FMO2: variants seen among roughly 807,000 people sequenced by gnomAD.
FMO2 encodes the protein flavin-containing monooxygenase 2.
Under a neutral mutation model 41.6 loss-of-function variants are expected in FMO2, and 33 were observed. That is an observed-to-expected ratio of 0.79 (90% CI 0.60 to 1.06). The LOEUF (loss-of-function observed/expected upper bound fraction) is 1.06, where lower values mean the gene tolerates loss of function less well. Ranked by LOEUF, FMO2 falls within the 50% of genes least tolerant of loss-of-function variation. The pLI is 0.00. For missense variants in FMO2, 619 were observed against 632.9 expected (o/e 0.98, Z 0.23); for synonymous variants, 214 against 219.6 (o/e 0.97, Z 0.23).
At position 171,204,331 on chromosome 1, in the gene FMO2, A is replaced by C. The variant is rs150773647; in HGVS notation, c.827+267A>C. Among the ~76,000 whole-genome samples, 284 of 152,304 alleles carry C rather than the reference A, an allele frequency of 1.9e-3. 5 individuals carry two copies. The highest frequency in any genetic ancestry group is 4.8e-3 in the South Asian group (23 of 4,828). ...TTTCTAATACCCAGAGTTATCTAAC[A>C]TTGGAGAAAACTGTTTCAAGAGATT... On this transcript the variant is annotated intron_variant, in intron 6 of 8. Transcript: ENST00000209929.
At position 171,209,164 on chromosome 1, in the gene FMO2, C is replaced by A; in HGVS notation, c.*19C>A. The A allele has an allele frequency of 2.3e-6, 1 of 431,650 alleles. No individual in the cohort carries two copies. The allele number at this position is 431,650 out of a possible 1,614,324, so 26.7% of individuals were successfully genotyped here. Reference sequence around the variant, plus strand: ...GTCCTAGTCAGCATAATGCTTTGGGCTTTATTATCTTGTCAGTCACTACCT... The same window carrying A: ...GTCCTAGTCAGCATAATGCTTTGGGATTTATTATCTTGTCAGTCACTACCT... On this transcript the variant is annotated 3_prime_UTR_variant, in exon 9 of 9. Coordinates refer to ENST00000209929, the MANE Select transcript of FMO2 (RefSeq NM_001460.5).
rs555830426 is a variant in FMO2, at chr1:171,211,377, T to G, written c.*2232T>G. The G allele has an allele frequency of 3.3e-5, 5 of 152,348 alleles. No homozygotes were observed. The South Asian group carries it at 6.2e-4, about 19-fold the overall frequency. The allele number at this position is 152,348 out of a possible 1,614,324, so 9.4% of individuals were successfully genotyped here. A position where few individuals can be genotyped will look rare whatever the true frequency, so the allele number is the denominator to read the frequency against. On this transcript the variant is annotated 3_prime_UTR_variant, in exon 9 of 9. Coordinates refer to ENST00000209929, the MANE Select transcript of FMO2 (RefSeq NM_001460.5). Reference sequence around the variant, plus strand: ...CAGAAAAAGTTTGATAATTCCTGCTTTATAATATGTAAGGCATTGTCCCAT... The same window carrying G: ...CAGAAAAAGTTTGATAATTCCTGCTGTATAATATGTAAGGCATTGTCCCAT...
rs1658877609 is a variant in FMO2 at position 171,209,082 on chromosome 1, G to A, written c.1545G>A (p.Leu515=). The change falls in exon 9 of 9, where the codon CTG becomes CTA. Residue 515 remains leucine, a synonymous_variant. Coordinates refer to ENST00000209929, the MANE Select transcript of FMO2 (RefSeq NM_001460.5). The part of the protein sequence containing the change: ...KDSSNFSVSF[L]LKILGLLAVV... The stretch of plus-strand genomic sequence containing the variant: ...CATCTAATTTCTCAGTTTCTTTTCT[G>A]TTGAAAATCCTGGGCCTTCTTGCTG... 4.9e-6 allele frequency: 5 copies of A among 1,021,614 alleles called. No individual in the cohort carries two copies. The highest frequency in any genetic ancestry group is 1.6e-5 in the African/African-American group (1 of 61,442). The allele number at this position is 1,021,614 out of a possible 1,614,324, so 63.3% of individuals were successfully genotyped here. A position where few individuals can be genotyped will look rare whatever the true frequency, so the allele number is the denominator to read the frequency against.
intron 3 of FMO2, among the ~76,000 whole-genome samples, chr1:171,196,337 T>G (rs1658311300): frequency 6.6e-6 from 1 of 152,222 alleles, no homozygotes; most frequent in Non-Finnish European, 1.5e-5. Flanking sequence ...ATTATGATGG[T>G]CTTTGTGTAA....
At chr1:171,187,418 C>G (rs1657895206) in intron 2 of FMO2, among the ~76,000 whole-genome samples, 1 of 152,066 alleles carries the variant, frequency 6.6e-6, no homozygotes, top group Non-Finnish European at 1.5e-5. Flanking sequence ...TTTGTCAGTT[C>G]AAATTGAATC....
chr1:171,204,097 C>T lies in FMO2; in HGVS notation c.827+33C>T, dbSNP rs770193418. On this transcript the variant is annotated intron_variant, in intron 6 of 8. Transcript: ENST00000209929. ...TATTTTGCTTTTTTAATGGTATACT[C>T]GTTGGTGAGCAAAGTTGTCTGAAGG... 4.7e-5 allele frequency: 71 copies of T among 1,525,288 alleles called. 2 individuals carry two copies. The highest frequency in any genetic ancestry group is 9.1e-6 in the Non-Finnish European group (10 of 1,100,152). The allele number at this position is 1,525,288 out of a possible 1,614,324, so 94.5% of individuals were successfully genotyped here. A position where few individuals can be genotyped will look rare whatever the true frequency, so the allele number is the denominator to read the frequency against.
chr1:171,199,211 T>C lies in FMO2; in HGVS notation c.485-135T>C, dbSNP rs966627267. 5 of 792,230 alleles carry C rather than the reference T, an allele frequency of 6.3e-6. No individual in the cohort carries two copies. In the Admixed American group the frequency reaches 1.1e-4, roughly 18 times the overall value. The allele number at this position is 792,230 out of a possible 1,614,324, so 49.1% of individuals were successfully genotyped here. A position where few individuals can be genotyped will look rare whatever the true frequency, so the allele number is the denominator to read the frequency against. ...GGTCTGGTACCTAAACTTTCTTATGTGCTTTACTCCTATAGAGAAGAGGCA... is the reference window on the plus strand; with the variant it reads ...GGTCTGGTACCTAAACTTTCTTATGCGCTTTACTCCTATAGAGAAGAGGCA... On this transcript the variant is annotated intron_variant, in intron 4 of 8. Transcript: ENST00000209929.
At chr1:171,188,622 C>T (rs1657951178) in intron 2 of FMO2, among the ~76,000 whole-genome samples, 2 of 152,168 alleles carry the variant, frequency 1.3e-5, no homozygotes, top group African/African-American at 4.8e-5. Context: ...AAGAAGGATG[C>T]TGGGAGCCCC....
At chr1:171,197,142 C>T (rs28369861) in intron 4 of FMO2, among the ~76,000 whole-genome samples, 3 of 152,080 alleles carry the variant, frequency 2.0e-5, no homozygotes, top group Non-Finnish European at 4.4e-5. Flanking sequence ...TGCCAAACAC[C>T]GAGCCTTTTT....
At chr1:171,193,655 C>T (rs78655958) in intron 3 of FMO2, 132 bp downstream of exon 3, 12,211 of 652,578 alleles carry the variant, frequency 0.019, 145 homozygotes, top group Middle Eastern at 0.029. Context: ...ATATAACAGC[C>T]TCATATAAAA....
chr1:171,207,459 C>T, intron 7 of FMO2: 2 of 353,920 alleles, frequency 5.7e-6, no homozygotes, highest in East Asian at 9.3e-5. Context: ...GTCATGGCTG[C>T]CAGGCTCCCA....
intron 5 of FMO2, among the ~76,000 whole-genome samples, chr1:171,202,101 T>C (rs1658564101): frequency 6.6e-6 from 1 of 152,128 alleles, no homozygotes; most frequent in African/African-American, 2.4e-5. Flanking sequence ...TAAATCCTCA[T>C]GTTTCTCTCA....
In FMO2 at chr1:171,205,386, T is replaced by C. The variant is rs749437139; in HGVS notation, c.935T>C (p.Ile312Thr). ...AAAGAGCTCACAGAAACTTCTGCCA[T>C]CTTTGAGGATGGAACAGTGGAGGAG... ...TVKELTETSA[I>T]FEDGTVEENI... is the part of the protein sequence containing the mutation. The change falls in exon 7 of 9, where the codon ATC becomes ACC. Residue 312 changes from isoleucine (I) to threonine (T), a missense_variant. Physicochemically the swap from Ile to Thr is moderately conservative, Grantham distance 89. Transcript: ENST00000209929. 1.9e-6 allele frequency: 3 copies of C among 1,613,874 alleles called. No homozygotes were observed. The highest frequency in any genetic ancestry group is 2.2e-5 in the South Asian group (2 of 91,080).
Position 171,208,787 on chromosome 1 carries a change from C to T in FMO2, c.1257-7C>T. 1 of 1,612,516 alleles carries T rather than the reference C, an allele frequency of 6.2e-7. No homozygotes were observed. The highest frequency in any genetic ancestry group is 8.5e-7 in the Non-Finnish European group (1 of 1,179,350). ...GTGAACATTCCCTTTTTACTTTCTT[C>T]ACTAAGGTTTGGAGAAAGCCAGAGC... On this transcript the variant is annotated splice_polypyrimidine_tract_variant and splice_region_variant and intron_variant, in intron 8 of 8. Coordinates refer to ENST00000209929, the MANE Select transcript of FMO2 (RefSeq NM_001460.5).
intron 7 of FMO2, among the ~76,000 whole-genome samples, chr1:171,206,616 A>C (rs1451751975): frequency 6.6e-6 from 1 of 152,192 alleles, no homozygotes; most frequent in African/African-American, 2.4e-5. Context: ...CTGATTAAGT[A>C]AGACTGGCCA....
intron 4 of FMO2, among the ~76,000 whole-genome samples, chr1:171,198,280 T>C (rs1231008972): frequency 2.6e-5 from 4 of 152,186 alleles, no homozygotes; most frequent in African/African-American, 9.7e-5. Flanking sequence ...CCTATGTGCC[T>C]GGTTTTTAGT....
rs540811847 is a variant in FMO2, at chr1:171,212,665, T to C, written c.*3520T>C. On this transcript the variant is annotated 3_prime_UTR_variant, in exon 9 of 9. Transcript: ENST00000209929. ...AAACAATAATTTCAAATAATAAAGA[T>C]TGAAAATGCTTAACCCAGAAAGAAT... 6.6e-6 allele frequency among the ~76,000 whole-genome samples: 1 copy of C among 152,122 alleles called. No individual in the cohort carries two copies. Among genetic ancestry groups the C allele is most frequent in the Non-Finnish European group, 1.5e-5 (1 of 68,028 alleles).
At chr1:171,195,341 A>T (rs7513579) in intron 3 of FMO2, among the ~76,000 whole-genome samples, 60,433 of 151,956 alleles carry the variant, frequency 0.4, 12,809 homozygotes, top group East Asian at 0.55. Context: ...ATATCTTGTT[A>T]AAAATGTAGG....
In FMO2 at chr1:171,212,144, G is replaced by C. The variant is rs1162344020; in HGVS notation, c.*2999G>C. 6.6e-6 allele frequency among the ~76,000 whole-genome samples: 1 copy of C among 152,154 alleles called. No individual in the cohort carries two copies. Among genetic ancestry groups the C allele is most frequent in the Non-Finnish European group, 1.5e-5 (1 of 68,038 alleles). On this transcript the variant is annotated 3_prime_UTR_variant, in exon 9 of 9. Coordinates refer to ENST00000209929, the MANE Select transcript of FMO2 (RefSeq NM_001460.5). ...CCCCAAAGTTATGTGTTTGAAACTTGCAATAGTATTGGGAGATGGGGCCTA... is the reference window on the plus strand; with the variant it reads ...CCCCAAAGTTATGTGTTTGAAACTTCCAATAGTATTGGGAGATGGGGCCTA...
Sources: gnomAD v4.1 joint callset for allele counts (sites outside exome capture counted in the v4.1 genomes callset) on GRCh38, gnomAD v4.1.1 for gene constraint, MANE v1.5 for transcripts, NCBI Gene and HGNC (gene_info 2026-07-23, HGNC 2026-07-21) for gene names.